SBSPON: variants seen among roughly 807,000 people sequenced by gnomAD.
SBSPON encodes somatomedin-B and thrombospondin type-1 domain-containing protein.
A neutral mutation model predicts 35.8 loss-of-function variants in SBSPON; 30 were observed. That is an observed-to-expected ratio of 0.84 (90% CI 0.63 to 1.14). The LOEUF is 1.14. Ranked by LOEUF, SBSPON falls within the 50% of genes most tolerant of loss-of-function variation. The pLI is 0.00. For synonymous variants in SBSPON, 136 were observed against 135.9 expected (o/e 1.00, Z 0.00); for missense variants, 364 against 357.7 (o/e 1.02, Z -0.14).
chr8:73,087,060 G>A (rs1376257573), intron 1 of SBSPON, among the ~76,000 whole-genome samples: 1 of 152,192 alleles, frequency 6.6e-6, no homozygotes, highest in Non-Finnish European at 1.5e-5. Context: ...AGACAGGCAA[G>A]ACACACTCTG....
At chr8:73,068,670 A>G (rs1810436803) in intron 4 of SBSPON, among the ~76,000 whole-genome samples, 1 of 152,202 alleles carries the variant, frequency 6.6e-6, no homozygotes, top group Non-Finnish European at 1.5e-5. Context: ...AGATTATTAT[A>G]CCGCAGAGGT....
At chr8:73,087,368 T>C (rs1330957689) in intron 1 of SBSPON, among the ~76,000 whole-genome samples, 1 of 152,172 alleles carries the variant, frequency 6.6e-6, no homozygotes, top group East Asian at 1.9e-4. Context: ...GGGATCCAAG[T>C]AAGTTAATAA....
In SBSPON at chr8:73,093,132, T is replaced by A; in HGVS notation, c.-65A>T. 1.1e-6 allele frequency: 1 copy of A among 916,514 alleles called. No individual in the cohort carries two copies. The highest frequency in any genetic ancestry group is 1.4e-6 in the Non-Finnish European group (1 of 707,842). The allele number at this position is 916,514 out of a possible 1,614,324, so 56.8% of individuals were successfully genotyped here. A position where few individuals can be genotyped will look rare whatever the true frequency, so the allele number is the denominator to read the frequency against. ...CGGGGCAAGCGCTCTGATCCTCGGCTGGCCGCGGCCCGGGAGCTGCCCGAG... is the reference window on the plus strand; with the variant it reads ...CGGGGCAAGCGCTCTGATCCTCGGCAGGCCGCGGCCCGGGAGCTGCCCGAG... On this transcript the variant is annotated 5_prime_UTR_variant, in exon 1 of 5. Transcript: ENST00000297354.
chr8:73,090,666 C>T (rs1407432895), intron 1 of SBSPON, among the ~76,000 whole-genome samples: 1 of 152,218 alleles, frequency 6.6e-6, no homozygotes, highest in Non-Finnish European at 1.5e-5. Flanking sequence ...GCTTTTCAGT[C>T]CCCCACCTGC....
At chr8:73,070,273 G>A (rs952950872) in intron 3 of SBSPON, among the ~76,000 whole-genome samples, 1 of 152,160 alleles carries the variant, frequency 6.6e-6, no homozygotes, top group African/African-American at 2.4e-5. Flanking sequence ...TGTCTAATCA[G>A]ATCACTAAAT....
chr8:73,078,112 C>G (rs904091454), intron 2 of SBSPON, among the ~76,000 whole-genome samples: 2 of 152,114 alleles, frequency 1.3e-5, no homozygotes, highest in Admixed American at 1.3e-4. Context: ...AGTGAGCATC[C>G]GAAGCCCCTG....
At chr8:73,084,651 G>C (rs1263508655) in intron 1 of SBSPON, among the ~76,000 whole-genome samples, 1 of 151,844 alleles carries the variant, frequency 6.6e-6, no homozygotes, top group Non-Finnish European at 1.5e-5. Flanking sequence ...GGCATGGCTG[G>C]GTCCCACTCA....
rs768731134 is a variant in SBSPON at position 73,071,879 on chromosome 8, G to A, written c.410-9C>T. On this transcript the variant is annotated splice_polypyrimidine_tract_variant and intron_variant, in intron 2 of 4. Transcript: ENST00000297354. Reference sequence around the variant, plus strand: ...AGTTATAAAGGCAGGAACTGGAAAAGGGAGATTTCTGTTGAATTCAGGGAG... The same window carrying A: ...AGTTATAAAGGCAGGAACTGGAAAAAGGAGATTTCTGTTGAATTCAGGGAG... 6.9e-6 allele frequency: 11 copies of A among 1,583,740 alleles called. No individual in the cohort carries two copies. Among genetic ancestry groups the A allele is most frequent in the African/African-American group, 1.3e-5 (1 of 74,346 alleles).
intron 1 of SBSPON, among the ~76,000 whole-genome samples, chr8:73,084,820 G>C (rs1810793035): frequency 6.6e-6 from 1 of 150,698 alleles, no homozygotes. Context: ...TCAGAGCTTG[G>C]TGTTCCTCAC....
chr8:73,080,090 G>A (rs1810665866), intron 2 of SBSPON, among the ~76,000 whole-genome samples: 1 of 152,076 alleles, frequency 6.6e-6, no homozygotes, highest in Non-Finnish European at 1.5e-5. Context: ...GCCTTGTATG[G>A]TCTCTGGCTC....
At position 73,065,059 on chromosome 8, in the gene SBSPON, T is replaced by C. The variant is rs1226130336; in HGVS notation, c.*2282A>G. Reference sequence around the variant, plus strand: ...TCACTTGGACTACATGTTTCAGTTCTGAACTATTTCCCTTGGGCTTTGCTA... The same window carrying C: ...TCACTTGGACTACATGTTTCAGTTCCGAACTATTTCCCTTGGGCTTTGCTA... On this transcript the variant is annotated 3_prime_UTR_variant, in exon 5 of 5. Coordinates refer to ENST00000297354, the MANE Select transcript of SBSPON (RefSeq NM_153225.4). 1 of 152,230 alleles carries C rather than the reference T, an allele frequency of 6.6e-6. No homozygotes were observed. Among genetic ancestry groups the C allele is most frequent in the Non-Finnish European group, 1.5e-5 (1 of 68,042 alleles). The allele number at this position is 152,230 out of a possible 1,614,324, so 9.4% of individuals were successfully genotyped here. A position where few individuals can be genotyped will look rare whatever the true frequency, so the allele number is the denominator to read the frequency against.
chr8:73,090,585 C>T (rs1324012901), intron 1 of SBSPON, among the ~76,000 whole-genome samples: 1 of 152,218 alleles, frequency 6.6e-6, no homozygotes, highest in Non-Finnish European at 1.5e-5. Context: ...CAAGTGGCCA[C>T]CTTCCAATTG....
chr8:73,072,503 T>C (rs1264969428), intron 2 of SBSPON, among the ~76,000 whole-genome samples: 1 of 152,098 alleles, frequency 6.6e-6, no homozygotes, highest in Non-Finnish European at 1.5e-5. Flanking sequence ...ACCCTGTCTC[T>C]ACTAAAAATA....
Position 73,092,839 on chromosome 8 carries a change from G to T in SBSPON, c.214+15C>A, listed in dbSNP as rs1307315111. On this transcript the variant is annotated intron_variant, in intron 1 of 4. Coordinates refer to ENST00000297354, the MANE Select transcript of SBSPON (RefSeq NM_153225.4). ...GGCTAACGGCCGGCGCCCCACTCTC[G>T]GCCTGACCACCCACCTGGGCACGCC... 2.0e-5 allele frequency: 32 copies of T among 1,604,774 alleles called. No individual in the cohort carries two copies. The highest frequency in any genetic ancestry group is 2.6e-5 in the Non-Finnish European group (31 of 1,174,980).
At chr8:73,072,912 GA>G (rs71267929) in intron 2 of SBSPON, among the ~76,000 whole-genome samples, 57,043 of 151,062 alleles carry the variant, frequency 0.38, 11,592 homozygotes, top group Non-Finnish European at 0.46. Context: ...CTGGGTCAGA[GA>G]AAAAAAAATG....
At chr8:73,069,683 C>T in intron 4 of SBSPON, 122 bp downstream of exon 4, 4 of 790,086 alleles carry the variant, frequency 5.1e-6, no homozygotes, top group Non-Finnish European at 8.3e-6. Context: ...TCCTCACCTA[C>T]TGTTTTGACT....
chr8:73,071,766 A>C lies in SBSPON; in HGVS notation c.500+14T>G, dbSNP rs77674584. 3 of 1,543,522 alleles carry C rather than the reference A, an allele frequency of 1.9e-6. No homozygotes were observed. Among genetic ancestry groups the C allele is most frequent in the African/African-American group, 1.4e-5 (1 of 72,198 alleles). On this transcript the variant is annotated intron_variant, in intron 3 of 4. Coordinates refer to ENST00000297354, the MANE Select transcript of SBSPON (RefSeq NM_153225.4). Reference sequence around the variant, plus strand: ...GAAAAACATGATTAAAAAAAAAAAAAAACACGAAATTACCCAGCATCCTCT... The same window carrying C: ...GAAAAACATGATTAAAAAAAAAAAACAACACGAAATTACCCAGCATCCTCT...
At position 73,066,181 on chromosome 8, in the gene SBSPON, T is replaced by G. The variant is rs1392417422; in HGVS notation, c.*1160A>C. The G allele has an allele frequency of 6.6e-6, 1 of 152,188 alleles. No homozygotes were observed. The highest frequency in any genetic ancestry group is 6.5e-5 in the Admixed American group (1 of 15,272). 9.4% of individuals were successfully genotyped at this position (152,188 alleles called of 1,614,324 possible). Reference sequence around the variant, plus strand: ...AAGACTCAATTCTCTAAACTAAATATCTTGAATTTAAAATTTACTTCACAA... The same window carrying G: ...AAGACTCAATTCTCTAAACTAAATAGCTTGAATTTAAAATTTACTTCACAA... On this transcript the variant is annotated 3_prime_UTR_variant, in exon 5 of 5. Coordinates refer to ENST00000297354, the MANE Select transcript of SBSPON (RefSeq NM_153225.4).
rs1197714209 is a variant in SBSPON, at chr8:73,081,125, C to T, written c.303G>A (p.Val101=). ...KPTTRVRRRS[V]QQEPQNGGAP... is the part of the protein sequence containing the mutation. ...CCCCGCCGTTCTGAGGCTCCTGCTG[C>T]ACCGAGCGCCTCCGCACACGGGTTG... Residue 101 remains valine, a synonymous_variant, in exon 2 of 5, where the codon GTG becomes GTA. Transcript: ENST00000297354. 1 of 1,613,502 alleles carries T rather than the reference C, an allele frequency of 6.2e-7. No homozygotes were observed. The highest frequency in any genetic ancestry group is 8.5e-7 in the Non-Finnish European group (1 of 1,179,698).
Sources: allele counts gnomAD v4.1 joint callset (sites outside exome capture counted in the v4.1 genomes callset), GRCh38; gene constraint gnomAD v4.1.1; transcripts MANE v1.5; gene names NCBI Gene and HGNC (gene_info 2026-07-23, HGNC 2026-07-21).